Variants in LAMA1 observed in about 807,000 individuals in gnomAD.
The protein encoded by LAMA1 is laminin subunit alpha 1.
In LAMA1, 219 loss-of-function variants were observed where a neutral mutation model predicts 348.7. The observed-to-expected ratio is 0.63, with a 90% confidence interval of 0.56 to 0.70. The LOEUF (loss-of-function observed/expected upper bound fraction) is 0.70. Among genes scored for constraint, LAMA1 ranks in the 30% least tolerant of loss-of-function variants. The pLI, the probability that LAMA1 is intolerant of heterozygous loss-of-function variation, is 0.00. For missense variants in LAMA1, 3,744 were observed against 3,888.0 expected (o/e 0.96, Z 0.99); for synonymous variants, 1,487 against 1,491.0 (o/e 1.00, Z 0.06).
intron 1 of LAMA1, among the ~76,000 whole-genome samples, chr18:7,082,911 G>T (rs2058198653): frequency 7.0e-6 from 1 of 142,604 alleles, no homozygotes; most frequent in Middle Eastern, 3.6e-3. Context: ...ACCCCCACCA[G>T]TTGCAGGACA....
intron 36 of LAMA1, among the ~76,000 whole-genome samples, chr18:6,990,588 C>T (rs766015646): frequency 1.3e-5 from 2 of 152,098 alleles, no homozygotes; most frequent in Admixed American, 6.5e-5. Context: ...GACTAACGTT[C>T]GCACCTTGGC....
intron 55 of LAMA1, among the ~76,000 whole-genome samples, chr18:6,957,792 T>C (rs1468806564): frequency 6.6e-6 from 1 of 152,114 alleles, no homozygotes; most frequent in Admixed American, 6.5e-5. Flanking sequence ...GTTCTTTTTT[T>C]TTCTGAGACA....
chr18:6,948,118 G>T (rs2057530348), intron 60 of LAMA1, among the ~76,000 whole-genome samples: 1 of 152,184 alleles, frequency 6.6e-6, no homozygotes, highest in African/African-American at 2.4e-5. Context: ...CAGTAAGTGT[G>T]CATTACAGAA....
At chr18:7,070,613 CTT>C (rs2058142031) in intron 3 of LAMA1, among the ~76,000 whole-genome samples, 1 of 152,120 alleles carries the variant, frequency 6.6e-6, no homozygotes, top group East Asian at 1.9e-4. Flanking sequence ...ACAAGCAGCT[CTT>C]GTCTAAAAGT....
At chr18:7,035,964 A>G in intron 13 of LAMA1, 23 bp downstream of exon 13, 4 of 1,581,240 alleles carry the variant, frequency 2.5e-6, no homozygotes, top group Non-Finnish European at 3.5e-6. Context: ...GCTCTATAGC[A>G]GAATCAAAGC....
At chr18:6,992,800 G>T in intron 35 of LAMA1, 80 bp from the exon 36 acceptor site, 1 of 1,187,824 alleles carries the variant, frequency 8.4e-7, no homozygotes, top group Admixed American at 1.9e-5. Flanking sequence ...AAACTTCTCT[G>T]CTGAGGACTG....
chr18:7,059,477 T>A (rs536541714), intron 3 of LAMA1, among the ~76,000 whole-genome samples: 3 of 152,302 alleles, frequency 2.0e-5, no homozygotes, highest in African/African-American at 7.2e-5. Context: ...TAGGCACACA[T>A]CAAACGCCAC....
At chr18:7,082,606 T>G (rs1205385977) in intron 1 of LAMA1, among the ~76,000 whole-genome samples, 1 of 152,242 alleles carries the variant, frequency 6.6e-6, no homozygotes, top group East Asian at 1.9e-4. Context: ...CCATCCTTTA[T>G]GACCATAATA....
In LAMA1 at chr18:6,982,543, G is replaced by C; in HGVS notation, c.5844C>G (p.Ser1948Arg). 1 of 1,614,152 alleles carries C rather than the reference G, an allele frequency of 6.2e-7. No individual in the cohort carries two copies. The highest frequency in any genetic ancestry group is 8.5e-7 in the Non-Finnish European group (1 of 1,180,040). ...TGTTGCCTTCTTTTAGAAATCTGGAGCTGCGCTGCACGGCCGCTTTCCCGT... is the reference window on the plus strand; with the variant it reads ...TGTTGCCTTCTTTTAGAAATCTGGACCTGCGCTGCACGGCCGCTTTCCCGT... ...VSNGKAAVQR[S>R]SRFLKEGNNL... The change falls in exon 41 of 63, where the codon AGC (serine) becomes AGG (arginine). Residue 1948 changes from serine to arginine, a missense_variant. Ser to Arg is a moderately radical substitution (Grantham distance 110). Coordinates refer to ENST00000389658, the MANE Select transcript of LAMA1 (RefSeq NM_005559.4).
At chr18:6,959,301 C>T in intron 54 of LAMA1, 40 bp downstream of exon 54, 1 of 1,613,866 alleles carries the variant, frequency 6.2e-7, no homozygotes, top group Non-Finnish European at 8.5e-7. Flanking sequence ...TCTGAGCTCA[C>T]CACACCTTCA....
chr18:7,034,203 T>C (rs1163080496), intron 14 of LAMA1, among the ~76,000 whole-genome samples: 1 of 152,228 alleles, frequency 6.6e-6, no homozygotes, highest in Non-Finnish European at 1.5e-5. Flanking sequence ...AGACAATCGC[T>C]AACTCATCGT....
At chr18:7,050,659 GA>G in intron 4 of LAMA1, 34 bp downstream of exon 4, 1 of 1,612,626 alleles carries the variant, frequency 6.2e-7, no homozygotes, top group Non-Finnish European at 8.5e-7. Flanking sequence ...CTCTGATGAG[GA>G]AACAGATCTT....
intron 29 of LAMA1, among the ~76,000 whole-genome samples, 170 bp from the exon 30 acceptor site, chr18:7,002,555 C>T (rs1247253068): frequency 6.6e-6 from 1 of 152,186 alleles, no homozygotes; most frequent in East Asian, 1.9e-4. Flanking sequence ...AAAACATTTC[C>T]CGCTCTGTGG....
chr18:6,954,808 C>A (rs1036195110), intron 57 of LAMA1: 2 of 197,256 alleles, frequency 1.0e-5, no homozygotes, highest in Admixed American at 1.1e-4. Flanking sequence ...GCAAGCCTGG[C>A]AGGTGAGCTG....
Position 6,942,083 on chromosome 18 carries a change from G to A in LAMA1, c.9224C>T (p.Ser3075Phe). The change falls in exon 63 of 63, where the codon TCC (serine) becomes TTC (phenylalanine). Residue 3075 changes from serine to phenylalanine, a missense_variant. Coordinates refer to ENST00000389658, the MANE Select transcript of LAMA1 (RefSeq NM_005559.4). ...ACTGAGGATTCTGCTTGAAGTTCAG[G>A]ACTCGGTCCCAGGACAGGAATGAAG... ...VFLHSCPGTES is the reference protein window; with the variant it reads ...VFLHSCPGTEF 1 of 1,614,086 alleles carries A rather than the reference G, an allele frequency of 6.2e-7. No homozygotes were observed. The highest frequency in any genetic ancestry group is 8.5e-7 in the Non-Finnish European group (1 of 1,180,022).
intron 61 of LAMA1, among the ~76,000 whole-genome samples, chr18:6,944,856 T>C (rs1480984853): frequency 6.6e-6 from 1 of 152,184 alleles, no homozygotes; most frequent in Non-Finnish European, 1.5e-5. Context: ...TCTTATGCTA[T>C]ATATGAAACT....
chr18:7,023,594 C>T (rs569974890), intron 18 of LAMA1, among the ~76,000 whole-genome samples: 2 of 152,184 alleles, frequency 1.3e-5, no homozygotes, highest in South Asian at 2.1e-4. Flanking sequence ...ATCCAGGGGA[C>T]ATGCACCTGT....
At chr18:6,942,371 A>C (rs1394015641) in intron 62 of LAMA1, 132 bp from the exon 63 acceptor site, 2 of 973,200 alleles carry the variant, frequency 2.1e-6, no homozygotes, top group East Asian at 2.6e-5. Context: ...AATTAGGAGA[A>C]TATCTTCCAC....
chr18:6,944,971 A>T (rs962518933), intron 61 of LAMA1, among the ~76,000 whole-genome samples: 3 of 152,254 alleles, frequency 2.0e-5, no homozygotes, highest in African/African-American at 7.2e-5. Context: ...TAATCCAATA[A>T]GAAGTAAAAT....
Sources: allele counts gnomAD v4.1 joint callset (sites outside exome capture counted in the v4.1 genomes callset), GRCh38; gene constraint gnomAD v4.1.1; transcripts MANE v1.5; gene names NCBI Gene and HGNC (gene_info 2026-07-23, HGNC 2026-07-21).